MIER1: variants seen among roughly 807,000 people sequenced by gnomAD.
The protein encoded by MIER1 is mesoderm induction early response protein 1.
In MIER1, 40 loss-of-function variants were observed where a neutral mutation model predicts 75.7. The ratio of observed to expected loss-of-function variants is 0.53; its 90% CI spans 0.41 to 0.69. The LOEUF (loss-of-function observed/expected upper bound fraction) is 0.69. Ranked by LOEUF, MIER1 falls within the 30% of genes least tolerant of loss-of-function variation. The probability of loss-of-function intolerance (pLI) is 0.00; values close to 1 mark genes in which losing one functional copy is unlikely to be tolerated. For synonymous variants in MIER1, 213 were observed against 223.4 expected (o/e 0.95, Z 0.42); for missense variants, 574 against 680.2 (o/e 0.84, Z 1.74).
intron 4 of MIER1, among the ~76,000 whole-genome samples, chr1:66,955,546 A>G (rs1426140835): frequency 6.6e-6 from 1 of 152,044 alleles, no homozygotes; most frequent in South Asian, 2.1e-4. Context: ...TGAACGAAGT[A>G]CCATGATCTT....
intron 2 of MIER1, among the ~76,000 whole-genome samples, chr1:66,928,465 G>A (rs1460426184): frequency 2.0e-5 from 3 of 152,068 alleles, no homozygotes; most frequent in Admixed American, 1.3e-4. Context: ...TCATAAATTA[G>A]CTTTCATATG....
At chr1:66,959,398 A>C (rs1660790704) in intron 6 of MIER1, among the ~76,000 whole-genome samples, 1 of 152,208 alleles carries the variant, frequency 6.6e-6, no homozygotes, top group South Asian at 2.1e-4. Context: ...GTCATGAAAT[A>C]TGTAGTAAGA....
intron 2 of MIER1, among the ~76,000 whole-genome samples, chr1:66,939,749 C>A (rs1440868191): frequency 6.6e-6 from 1 of 151,956 alleles, no homozygotes; most frequent in Non-Finnish European, 1.5e-5. Context: ...TGTTATGAAG[C>A]CCACATGTAC....
chr1:66,981,753 A>G (rs952285291), intron 12 of MIER1, 26 bp from the exon 13 acceptor site: 5 of 1,543,648 alleles, frequency 3.2e-6, no homozygotes, highest in Non-Finnish European at 4.4e-6. Flanking sequence ...TCTTTTTAAT[A>G]TAAAAATTGT....
intron 8 of MIER1, among the ~76,000 whole-genome samples, chr1:66,968,022 G>T (rs1662778431): frequency 6.6e-6 from 1 of 151,846 alleles, no homozygotes; most frequent in African/African-American, 2.4e-5. Flanking sequence ...TTTTTTCATG[G>T]TTTAAATTCT....
intron 4 of MIER1, chr1:66,946,522 CAT>C (rs1185624335): frequency 1.6e-6 from 2 of 1,214,588 alleles, no homozygotes; most frequent in Middle Eastern, 3.3e-4. Flanking sequence ...TTTGGTAAAA[CAT>C]AGACTGTTAA....
At chr1:66,932,106 TA>T (rs1280924914) in intron 2 of MIER1, among the ~76,000 whole-genome samples, 1 of 152,212 alleles carries the variant, frequency 6.6e-6, no homozygotes, top group Non-Finnish European at 1.5e-5. Context: ...ATCTAATATG[TA>T]AAAGAAATTA....
intron 8 of MIER1, among the ~76,000 whole-genome samples, chr1:66,968,321 A>G (rs1190473212): frequency 1.3e-5 from 2 of 152,222 alleles, no homozygotes; most frequent in Non-Finnish European, 2.9e-5. Flanking sequence ...TCTTGAAACT[A>G]TTAGGTAAAC....
At chr1:66,964,740 C>T (rs1025825717) in intron 8 of MIER1, among the ~76,000 whole-genome samples, 3 of 152,176 alleles carry the variant, frequency 2.0e-5, no homozygotes, top group Non-Finnish European at 4.4e-5. Flanking sequence ...GCATGAGCCA[C>T]TGCACCTGGC....
intron 8 of MIER1, among the ~76,000 whole-genome samples, chr1:66,965,247 T>G (rs1374868551): frequency 6.6e-6 from 1 of 152,204 alleles, no homozygotes; most frequent in Non-Finnish European, 1.5e-5. Flanking sequence ...AGTTTTGTGC[T>G]TTACTCGTAT....
intron 4 of MIER1, chr1:66,948,138 C>A: frequency 1.1e-6 from 1 of 877,146 alleles, no homozygotes; most frequent in Non-Finnish European, 1.4e-6. Flanking sequence ...GACTGTTATT[C>A]ACCAGTGTAT....
At chr1:66,956,012 G>A (rs1660056240) in intron 4 of MIER1, among the ~76,000 whole-genome samples, 1 of 152,212 alleles carries the variant, frequency 6.6e-6, no homozygotes, top group Non-Finnish European at 1.5e-5. Context: ...GAAATTGTGT[G>A]TGTTGACACT....
chr1:66,985,100 A>G lies in MIER1; in HGVS notation c.*200A>G, dbSNP rs1666609336. The G allele has an allele frequency of 3.2e-6, 4 of 1,248,644 alleles. No homozygotes were observed. The East Asian group carries it at 1.3e-4, about 42-fold the overall frequency. 77.3% of individuals were successfully genotyped at this position (1,248,644 alleles called of 1,614,324 possible). On this transcript the variant is annotated 3_prime_UTR_variant, in exon 14 of 14. Transcript: ENST00000401041. ...AAAGCTGTCAGACTCTTTTAAGGGT[A>G]TTTTAAAAATTAGTAAATTTGAATG...
At chr1:66,976,248 C>CAT (rs1273145467) in intron 11 of MIER1, among the ~76,000 whole-genome samples, 8 of 152,060 alleles carry the variant, frequency 5.3e-5, no homozygotes, top group Admixed American at 6.5e-5. Context: ...GTGATCCACC[C>CAT]CCCTTGGCCT....
At chr1:66,948,324 C>A in intron 4 of MIER1, 1 of 649,168 alleles carries the variant, frequency 1.5e-6, no homozygotes, top group Non-Finnish European at 1.9e-6. Context: ...TACATAATAT[C>A]ATGAAAAATG....
rs1330136858 is a variant in MIER1 at position 66,986,173 on chromosome 1, A to G, written c.*1273A>G. On this transcript the variant is annotated 3_prime_UTR_variant, in exon 14 of 14. Coordinates refer to ENST00000401041, the MANE Select transcript of MIER1 (RefSeq NM_001077700.3). ...AAACTTTTCAAACTTTTCTAGTTACAATCCAATTTTTCAGATTTGATAATG... is the reference window on the plus strand; with the variant it reads ...AAACTTTTCAAACTTTTCTAGTTACGATCCAATTTTTCAGATTTGATAATG... The G allele has an allele frequency of 1.6e-6, 2 of 1,229,618 alleles. No homozygotes were observed. Among genetic ancestry groups the G allele is most frequent in the African/African-American group, 3.1e-5 (2 of 63,804 alleles). 76.2% of individuals were successfully genotyped at this position (1,229,618 alleles called of 1,614,324 possible).
At chr1:66,974,668 T>C (rs1277019911) in intron 11 of MIER1, among the ~76,000 whole-genome samples, 1 of 152,078 alleles carries the variant, frequency 6.6e-6, no homozygotes, top group East Asian at 1.9e-4. Flanking sequence ...CTCATAAATA[T>C]TTGGGACAGT....
intron 4 of MIER1, chr1:66,946,767 T>C (rs1362166898): frequency 7.1e-6 from 7 of 985,432 alleles, no homozygotes; most frequent in Non-Finnish European, 8.4e-6. Context: ...CAGTGAACTT[T>C]CCTTGTTACA....
At chr1:66,928,381 A>T (rs1652321774) in intron 2 of MIER1, among the ~76,000 whole-genome samples, 1 of 152,206 alleles carries the variant, frequency 6.6e-6, no homozygotes, top group African/African-American at 2.4e-5. Flanking sequence ...AGAATCAAAG[A>T]TTCAGTGTAC....
Sources: gnomAD v4.1 joint callset for allele counts (sites outside exome capture counted in the v4.1 genomes callset) on GRCh38, gnomAD v4.1.1 for gene constraint, MANE v1.5 for transcripts, NCBI Gene and HGNC (gene_info 2026-07-23, HGNC 2026-07-21) for gene names.